CFHR4: variants seen among roughly 807,000 people sequenced by gnomAD.
The protein encoded by CFHR4 is complement factor H related 4, also known as complement factor H-related protein 4.
A neutral mutation model predicts 69.3 loss-of-function variants in CFHR4; 64 were observed. The observed-to-expected ratio is 0.92, with a 90% CI of 0.76 to 1.14. The LOEUF is 1.14. Among genes scored for constraint, CFHR4 ranks in the 50% most tolerant of loss-of-function variants. CFHR4 has a pLI of 0.00. For synonymous variants in CFHR4, 244 were observed against 237.0 expected, an observed-to-expected ratio of 1.03 and a Z score of -0.27; for missense variants, 636 against 684.9, an observed-to-expected ratio of 0.93 and a Z score of 0.80.
At chr1:196,897,030 T>A (rs1172483814) in intron 1 of CFHR4, among the ~76,000 whole-genome samples, 8 of 151,510 alleles carry the variant, frequency 5.3e-5, no homozygotes, top group African/African-American at 1.9e-4. Flanking sequence ...TAAACACTAC[T>A]AGCTCCCTCC....
chr1:196,888,905 T>A (rs913204131), intron 1 of CFHR4, among the ~76,000 whole-genome samples: 2 of 151,438 alleles, frequency 1.3e-5, no homozygotes, highest in Non-Finnish European at 2.9e-5. Flanking sequence ...CATTGTTCTC[T>A]GATATGTTTT....
At chr1:196,917,044 T>C (rs181420932) in intron 9 of CFHR4, among the ~76,000 whole-genome samples, 12 of 151,880 alleles carry the variant, frequency 7.9e-5, no homozygotes, top group Admixed American at 6.6e-4. Flanking sequence ...TATTTTTGAA[T>C]TGTAAACAGC....
At chr1:196,899,221 T>C (rs946834194) in intron 1 of CFHR4, among the ~76,000 whole-genome samples, 3 of 145,024 alleles carry the variant, frequency 2.1e-5, no homozygotes, top group East Asian at 4.1e-4. Flanking sequence ...AAACATATTC[T>C]TTTTTTTTTC....
chr1:196,899,066 G>C (rs1203290884), intron 1 of CFHR4, among the ~76,000 whole-genome samples: 1 of 151,580 alleles, frequency 6.6e-6, no homozygotes, highest in Non-Finnish European at 1.5e-5. Context: ...AGGAGAATTA[G>C]GCTCCACTAT....
chr1:196,904,781 C>G (rs1175404425), intron 2 of CFHR4, among the ~76,000 whole-genome samples: 2 of 151,434 alleles, frequency 1.3e-5, no homozygotes, highest in South Asian at 2.1e-4. Context: ...TTAATAGCAC[C>G]AGAAAGGTTC....
chr1:196,905,127 T>C lies in CFHR4; in HGVS notation c.276T>C (p.Asp92=). 5 of 1,601,454 alleles carry C rather than the reference T, an allele frequency of 3.1e-6. No homozygotes were observed. Among genetic ancestry groups the C allele is most frequent in the Non-Finnish European group, 4.3e-6 (5 of 1,174,336 alleles). Residue 92 remains aspartate, a synonymous_variant, in exon 3 of 10, where the codon GAT becomes GAC. Coordinates refer to ENST00000608469, the MANE Select transcript of CFHR4 (RefSeq NM_001201550.3). Reference sequence around the variant, plus strand: ...TTTTAGGAACATGCTCAAAATCAGATGTAGAAATTGAAAATGGATTCATTT... The same window carrying C: ...TTTTAGGAACATGCTCAAAATCAGACGTAGAAATTGAAAATGGATTCATTT... The part of the protein sequence containing the change: ...VPCLRTCSKS[D]VEIENGFISE...
intron 1 of CFHR4, among the ~76,000 whole-genome samples, chr1:196,891,642 A>G (rs1456810467): frequency 6.6e-6 from 1 of 151,366 alleles, no homozygotes. Context: ...TATTCTTAAG[A>G]TTTCATAACA....
At chr1:196,895,279 C>T (rs114159492) in intron 1 of CFHR4, among the ~76,000 whole-genome samples, 1 of 151,246 alleles carries the variant, frequency 6.6e-6, no homozygotes, top group African/African-American at 2.4e-5. Flanking sequence ...TATAATGTAT[C>T]TTGATATCTA....
In CFHR4 at chr1:196,918,262, A is replaced by G; in HGVS notation, c.1593A>G (p.Lys531=). ...ENMNKNNIQL[K]GKSDIKYYAK... ...TGAATAAAAATAACATACAGTTAAA[A>G]GGAAAAAGTGACATAAAATATTATG... The change falls in exon 10 of 10, where the codon AAA becomes AAG. Residue 531 remains lysine (K), a synonymous_variant. Transcript: ENST00000608469. 1 of 1,607,862 alleles carries G rather than the reference A, an allele frequency of 6.2e-7. No individual in the cohort carries two copies. The highest frequency in any genetic ancestry group is 2.2e-5 in the East Asian group (1 of 44,614).
intron 1 of CFHR4, 150 bp downstream of exon 1, chr1:196,888,358 G>A (rs866054670): frequency 1.9e-5 from 13 of 685,228 alleles, no homozygotes; most frequent in South Asian, 4.5e-5. Context: ...GAGTATAACA[G>A]AAATTAATTT....
At chr1:196,901,840 T>C (rs958729122) in intron 1 of CFHR4, among the ~76,000 whole-genome samples, 1 of 151,446 alleles carries the variant, frequency 6.6e-6, no homozygotes, top group Admixed American at 6.6e-5. Flanking sequence ...CTCTTAGATA[T>C]TTAGATATTA....
rs200321519 is a variant in CFHR4, at chr1:196,889,467, CTTAG to C, written c.58+1263_58+1266del. Among the ~76,000 whole-genome samples the C allele has an allele frequency of 2.8e-3, 428 of 151,680 alleles. 22 individuals carry two copies. Among genetic ancestry groups the C allele is most frequent in the East Asian group, 6.4e-3 (33 of 5,164 alleles). ...ATTAGATTAGAATAAGCTCTACTTT[CTTAG>C]TTACTTTCTCAAAAGCAGTATAAGA... On this transcript the variant is annotated intron_variant, in intron 1 of 9. Transcript: ENST00000608469.
chr1:196,908,201 T>C (rs957560712), intron 5 of CFHR4, among the ~76,000 whole-genome samples: 1 of 151,310 alleles, frequency 6.6e-6, no homozygotes, highest in East Asian at 1.9e-4. Flanking sequence ...GAGAAACACC[T>C]AATGTAGGTG....
In CFHR4 at chr1:196,907,320, T is replaced by C. The variant is rs1553303291; in HGVS notation, c.621T>C (p.Ser207=). 3 of 1,609,600 alleles carry C rather than the reference T, an allele frequency of 1.9e-6. No homozygotes were observed. In the South Asian group the frequency reaches 3.3e-5, roughly 18 times the overall value. The change falls in exon 5 of 10, where the codon TCT becomes TCC. Residue 207 remains serine, a synonymous_variant. Coordinates refer to ENST00000608469, the MANE Select transcript of CFHR4 (RefSeq NM_001201550.3). The part of the protein sequence containing the change: ...GWSHLPTCYN[S]SENCGPPPPI... ...ATGTAAAGTATTTTTTTTCAGATTC[T>C]TCAGAAAACTGTGGGCCTCCTCCAC...
At chr1:196,912,626 A>G (rs1487095518) in intron 6 of CFHR4, 114 bp from the exon 7 acceptor site, 10 of 1,228,976 alleles carry the variant, frequency 8.1e-6, no homozygotes, top group Non-Finnish European at 9.7e-6. Context: ...GCTGTTTTCA[A>G]TTCATTAACA....
intron 3 of CFHR4, among the ~76,000 whole-genome samples, 161 bp from the exon 4 acceptor site, chr1:196,906,700 T>C (rs751056427): frequency 1.3e-5 from 2 of 151,496 alleles, no homozygotes; most frequent in Non-Finnish European, 2.9e-5. Flanking sequence ...TAATTAACTG[T>C]TATAGCACAA....
chr1:196,888,217 A>G lies in CFHR4; in HGVS notation c.58+9A>G. The G allele has an allele frequency of 6.2e-7, 1 of 1,610,160 alleles. No individual in the cohort carries two copies. Among genetic ancestry groups the G allele is most frequent in the South Asian group, 1.1e-5 (1 of 91,004 alleles). On this transcript the variant is annotated intron_variant, in intron 1 of 9. Transcript: ENST00000608469. ...CTGTGCTAATGGACAAGGTAAGTTG[A>G]AAGAGATCTAAACACTCAGCTTCCC...
At chr1:196,902,319 C>A (rs1425497944) in intron 1 of CFHR4, 99 bp from the exon 2 acceptor site, 2 of 859,834 alleles carry the variant, frequency 2.3e-6, no homozygotes, top group Non-Finnish European at 3.5e-6. Context: ...TAATTCATTA[C>A]ACTAAGAAGA....
intron 7 of CFHR4, among the ~76,000 whole-genome samples, chr1:196,913,382 T>TTA: frequency 6.6e-6 from 1 of 151,546 alleles, no homozygotes; most frequent in Non-Finnish European, 1.5e-5. Flanking sequence ...CGTAATAATT[T>TTA]GTATCAATGA....
Sources: allele counts gnomAD v4.1 joint callset (sites outside exome capture counted in the v4.1 genomes callset), GRCh38; gene constraint gnomAD v4.1.1; transcripts MANE v1.5; gene names NCBI Gene and HGNC (gene_info 2026-07-23, HGNC 2026-07-21).